PIBF1: variants seen among roughly 807,000 people sequenced by gnomAD.
PIBF1 encodes progesterone immunomodulatory binding factor 1, also known as progesterone-induced-blocking factor 1.
Under a neutral mutation model 112.5 loss-of-function variants are expected in PIBF1, and 90 were observed. The ratio of observed to expected loss-of-function variants is 0.80; its 90% CI spans 0.67 to 0.95. PIBF1 has a LOEUF of 0.95. PIBF1 is among the 40% of genes least tolerant of loss of function. The probability of loss-of-function intolerance (pLI) is 0.00; values close to 1 mark genes in which losing one functional copy is unlikely to be tolerated. For missense variants in PIBF1, 915 were observed against 852.3 expected, an observed-to-expected ratio of 1.07 and a Z score of -0.92; for synonymous variants, 301 against 288.6, an observed-to-expected ratio of 1.04 and a Z score of -0.44.
chr13:72,871,164 G>C (rs1387958722), intron 10 of PIBF1, among the ~76,000 whole-genome samples: 1 of 152,108 alleles, frequency 6.6e-6, no homozygotes, highest in Non-Finnish European at 1.5e-5. Context: ...ATGGGTGGTA[G>C]AGATTTTTCC....
intron 9 of PIBF1, among the ~76,000 whole-genome samples, chr13:72,840,241 AAAAGT>A (rs1290131934): frequency 6.6e-6 from 1 of 152,226 alleles, no homozygotes; most frequent in Non-Finnish European, 1.5e-5. Context: ...CCACACAGTA[AAAAGT>A]AAATTATAAA....
intron 10 of PIBF1, among the ~76,000 whole-genome samples, chr13:72,866,898 TCA>T (rs2038953052): frequency 6.6e-6 from 1 of 152,226 alleles, no homozygotes; most frequent in Non-Finnish European, 1.5e-5. Context: ...AGATGTATGA[TCA>T]CTTAGTTTCT....
chr13:72,992,986 A>G (rs995162438), intron 16 of PIBF1, among the ~76,000 whole-genome samples: 3 of 152,236 alleles, frequency 2.0e-5, no homozygotes, highest in Non-Finnish European at 4.4e-5. Context: ...GAACTTCCAC[A>G]TTGTTATAAT....
chr13:72,820,451 A>G (rs1013208440), intron 5 of PIBF1, among the ~76,000 whole-genome samples: 5 of 152,180 alleles, frequency 3.3e-5, no homozygotes, highest in African/African-American at 1.2e-4. Context: ...TAAGTACCAT[A>G]GTAACATTCC....
intron 14 of PIBF1, among the ~76,000 whole-genome samples, chr13:72,931,957 T>C (rs1377956221): frequency 6.1e-5 from 6 of 99,092 alleles, no homozygotes; most frequent in African/African-American, 2.4e-4. Flanking sequence ...TTTTTTTTTT[T>C]CTGAGACAGG....
At chr13:72,950,907 G>A (rs2042277624) in intron 14 of PIBF1, among the ~76,000 whole-genome samples, 1 of 152,200 alleles carries the variant, frequency 6.6e-6, no homozygotes, top group Non-Finnish European at 1.5e-5. Context: ...CATCCTGCCT[G>A]TAGTTCCCAG....
chr13:72,867,008 A>G lies in PIBF1; in HGVS notation c.1322+12853A>G, dbSNP rs1028713558. On this transcript the variant is annotated intron_variant, in intron 10 of 17. Coordinates refer to ENST00000326291, the MANE Select transcript of PIBF1 (RefSeq NM_006346.4). Reference sequence around the variant, plus strand: ...AAATGAAAGGAAAAACAACCAATATATAAGTCTGTGCTTCATACAGTTATT... The same window carrying G: ...AAATGAAAGGAAAAACAACCAATATGTAAGTCTGTGCTTCATACAGTTATT... 2.0e-5 allele frequency among the ~76,000 whole-genome samples: 3 copies of G among 152,200 alleles called. No individual in the cohort carries two copies. The South Asian group carries it at 6.2e-4, about 32-fold the overall frequency.
chr13:72,793,328 G>A (rs1474066486), intron 3 of PIBF1, among the ~76,000 whole-genome samples: 1 of 152,114 alleles, frequency 6.6e-6, no homozygotes, highest in Non-Finnish European at 1.5e-5. Context: ...CTACTTAACT[G>A]ATATTGTAAA....
chr13:72,938,451 A>G (rs2041930042), intron 14 of PIBF1, among the ~76,000 whole-genome samples: 1 of 152,142 alleles, frequency 6.6e-6, no homozygotes, highest in South Asian at 2.1e-4. Flanking sequence ...AAATGAAATC[A>G]TGCAATATTT....
rs1249709894 is a variant in PIBF1 at position 73,016,157 on chromosome 13, T to A, written c.*238T>A. On this transcript the variant is annotated 3_prime_UTR_variant, in exon 18 of 18. Coordinates refer to ENST00000326291, the MANE Select transcript of PIBF1 (RefSeq NM_006346.4). Reference sequence around the variant, plus strand: ...TATGCTATGCTTTAAATTTTGGAGCTTTCATAAATGTTCAATGCATTTTAA... The same window carrying A: ...TATGCTATGCTTTAAATTTTGGAGCATTCATAAATGTTCAATGCATTTTAA... The A allele has an allele frequency of 5.3e-6, 1 of 186,934 alleles. No individual in the cohort carries two copies. Among genetic ancestry groups the A allele is most frequent in the African/African-American group, 2.3e-5 (1 of 42,626 alleles). 11.6% of individuals were successfully genotyped at this position (186,934 alleles called of 1,614,324 possible). A position where few individuals can be genotyped will look rare whatever the true frequency, so the allele number is the denominator to read the frequency against.
At chr13:72,855,716 T>C (rs1014303527) in intron 10 of PIBF1, among the ~76,000 whole-genome samples, 6 of 152,162 alleles carry the variant, frequency 3.9e-5, no homozygotes, top group Non-Finnish European at 8.8e-5. Flanking sequence ...GGTATGTAAA[T>C]CAGCTCCTTT....
chr13:72,854,238 A>G (rs1277778196), intron 10 of PIBF1, 83 bp downstream of exon 10: 3 of 866,418 alleles, frequency 3.5e-6, no homozygotes, highest in South Asian at 3.4e-5. Flanking sequence ...TATTTTAAGG[A>G]GAGAATAATT....
chr13:72,987,646 ATTTATT>A (rs1043216940), intron 16 of PIBF1, among the ~76,000 whole-genome samples: 6 of 146,870 alleles, frequency 4.1e-5, no homozygotes, highest in African/African-American at 1.5e-4. Context: ...CTTTTTATTT[ATTTATT>A]TTTATTTAGA....
intron 16 of PIBF1, among the ~76,000 whole-genome samples, chr13:72,985,371 CAAAAAAAAAA>C (rs67195605): frequency 2.6e-5 from 2 of 76,284 alleles, no homozygotes; most frequent in Admixed American, 1.7e-4. Context: ...ACTAAAAATA[CAAAAAAAAAA>C]AAAAAAAAAA....
chr13:72,924,451 A>C (rs1002254691), intron 13 of PIBF1, among the ~76,000 whole-genome samples: 8 of 151,972 alleles, frequency 5.3e-5, no homozygotes, highest in African/African-American at 1.9e-4. Context: ...CGCTATGCAC[A>C]TGTCTCACGC....
intron 14 of PIBF1, among the ~76,000 whole-genome samples, chr13:72,957,141 A>G (rs527841926): frequency 6.6e-6 from 1 of 152,336 alleles, no homozygotes; most frequent in South Asian, 2.1e-4. Flanking sequence ...CTACCATTTG[A>G]TCCAGCAATC....
chr13:72,974,514 A>G (rs1418268630), intron 16 of PIBF1, among the ~76,000 whole-genome samples: 1 of 152,158 alleles, frequency 6.6e-6, no homozygotes, highest in African/African-American at 2.4e-5. Context: ...TGCAATTCAT[A>G]TATATTGTTG....
chr13:72,832,071 CCTTTTTTTTTTTTTTT>C (rs1223442970), intron 8 of PIBF1, among the ~76,000 whole-genome samples: 783 of 59,518 alleles, frequency 0.013, 31 homozygotes, highest in African/African-American at 0.041. Context: ...GCAATTCCGG[CCTTTTTTTTTTTTTTT>C]TTTTTTTTTT....
At chr13:72,986,493 A>C (rs1257835847) in intron 16 of PIBF1, among the ~76,000 whole-genome samples, 1 of 152,092 alleles carries the variant, frequency 6.6e-6, no homozygotes, top group Non-Finnish European at 1.5e-5. Context: ...TATCTGGATC[A>C]CTGTTGAGAA....
Sources: allele counts gnomAD v4.1 joint callset (sites outside exome capture counted in the v4.1 genomes callset), GRCh38; gene constraint gnomAD v4.1.1; transcripts MANE v1.5; gene names NCBI Gene and HGNC (gene_info 2026-07-23, HGNC 2026-07-21).